Variants in LRRC37A2 observed in about 807,000 individuals in gnomAD.
LRRC37A2 encodes leucine-rich repeat-containing protein 37A2.
Under a neutral mutation model 68.8 loss-of-function variants are expected in LRRC37A2, and 9 were observed. The ratio of observed to expected loss-of-function variants is 0.13; its 90% CI spans 0.08 to 0.23. The LOEUF (loss-of-function observed/expected upper bound fraction) is 0.23, where lower values mean the gene tolerates loss of function less well. Ranked by LOEUF, LRRC37A2 falls within the 10% of genes least tolerant of loss-of-function variation. LRRC37A2 has a pLI of 1.00. For synonymous variants in LRRC37A2, 63 were observed against 367.6 expected, an observed-to-expected ratio of 0.17 and a Z score of 9.48; for missense variants, 168 against 950.4, an observed-to-expected ratio of 0.18 and a Z score of 10.82.
At chr17:46,866,697 C>T in the LRRC37A2 span, among the ~76,000 whole-genome samples, 10 of 152,044 alleles carry the variant, frequency 6.6e-5, no homozygotes, top group South Asian at 2.1e-4. Context: ...ATGGCCCTGG[C>T]GTAATGCACT....
the LRRC37A2 span, among the ~76,000 whole-genome samples, chr17:46,786,055 T>G: frequency 6.8e-6 from 1 of 147,842 alleles, no homozygotes; most frequent in Non-Finnish European, 1.5e-5. Flanking sequence ...TCTTTCTTTC[T>G]TACCCACCCC....
the LRRC37A2 span, chr17:46,931,160 G>A: frequency 1.4e-5 from 23 of 1,611,414 alleles, no homozygotes; most frequent in South Asian, 2.4e-4. Context: ...AACGTCTGGA[G>A]ATTTTGTCCA....
chr17:46,872,800 A>G, the LRRC37A2 span: 124 of 891,816 alleles, frequency 1.4e-4, no homozygotes, highest in South Asian at 2.3e-4. Flanking sequence ...GGGGACGGGG[A>G]GGGCTGGGGG....
At chr17:46,872,854 C>G in the LRRC37A2 span, 94 of 1,467,886 alleles carry the variant, frequency 6.4e-5, no homozygotes, top group East Asian at 2.2e-3. Flanking sequence ...GCTGCCCTTT[C>G]CTTTTTCCTG....
the LRRC37A2 span, among the ~76,000 whole-genome samples, chr17:46,956,166 C>A: frequency 1.3e-5 from 2 of 151,894 alleles, no homozygotes; most frequent in Admixed American, 1.3e-4. Flanking sequence ...AAAGCTAGTT[C>A]TGGATCAGAA....
At chr17:46,913,395 G>T in the LRRC37A2 span, among the ~76,000 whole-genome samples, 1 of 152,264 alleles carries the variant, frequency 6.6e-6, no homozygotes. Context: ...GACGAGTGCT[G>T]AGAGGGAGCA....
chr17:46,903,281 CAA>C, the LRRC37A2 span, among the ~76,000 whole-genome samples: 12,474 of 144,926 alleles, frequency 0.086, 1,359 homozygotes, highest in African/African-American at 0.26. Flanking sequence ...GACTCTGTCT[CAA>C]AAAAAAAAAA....
At chr17:46,769,222 C>T in the LRRC37A2 span, among the ~76,000 whole-genome samples, 4 of 149,832 alleles carry the variant, frequency 2.7e-5, no homozygotes, top group African/African-American at 9.9e-5. Flanking sequence ...AGGTTGAGGC[C>T]GGAGAATTGC....
the LRRC37A2 span, among the ~76,000 whole-genome samples, chr17:46,621,388 G>A: frequency 3.8e-5 from 5 of 129,876 alleles, no homozygotes; most frequent in African/African-American, 1.5e-4. Flanking sequence ...CCGGGCTCAC[G>A]CCTTTCTCCT....
the LRRC37A2 span, among the ~76,000 whole-genome samples, chr17:46,962,365 A>G: frequency 0.96 from 144,887 of 151,660 alleles, 69,555 homozygotes; most frequent in East Asian, 1. Flanking sequence ...GTAGTAGTTG[A>G]TTTTCAAAGA....
At chr17:46,900,240 C>CATAT in the LRRC37A2 span, among the ~76,000 whole-genome samples, 32 of 134,578 alleles carry the variant, frequency 2.4e-4, no homozygotes, top group African/African-American at 9.3e-4. Context: ...TATATACACA[C>CATAT]ATATATATAT....
chr17:46,939,536 C>T, the LRRC37A2 span: 1 of 985,578 alleles, frequency 1.0e-6, no homozygotes. Flanking sequence ...TGCGCCCAGG[C>T]TTTGTGGGCC....
At chr17:46,879,046 AGCTTTAAGGG>A in the LRRC37A2 span, among the ~76,000 whole-genome samples, 2 of 152,214 alleles carry the variant, frequency 1.3e-5, no homozygotes, top group African/African-American at 4.8e-5. Context: ...CTCATTCTAC[AGCTTTAAGGG>A]AAATGCTCAC....
chr17:46,865,984 A>G, the LRRC37A2 span, among the ~76,000 whole-genome samples: 4 of 152,192 alleles, frequency 2.6e-5, no homozygotes, highest in East Asian at 7.7e-4. Flanking sequence ...ATGAGCGAGT[A>G]AGTGAAAAGA....
At chr17:46,715,225 T>C in the LRRC37A2 span, among the ~76,000 whole-genome samples, 6 of 152,210 alleles carry the variant, frequency 3.9e-5, no homozygotes, top group African/African-American at 1.4e-4. Flanking sequence ...GAACTTATAA[T>C]ATCATAGTTT....
chr17:46,694,337 A>T, the LRRC37A2 span: 1 of 577,782 alleles, frequency 1.7e-6, no homozygotes, highest in Non-Finnish European at 2.9e-6. Context: ...CAGTGAGCTG[A>T]GATCGTACCA....
chr17:46,558,383 TTG>T (rs1332363756), downstream of LRRC37A2, among the ~76,000 whole-genome samples: 2 of 106,966 alleles, frequency 1.9e-5, no homozygotes, highest in Non-Finnish European at 3.7e-5. Context: ...GGGGTTTTTT[TTG>T]TGTTTTGTTT....
chr17:46,751,387 A>G, the LRRC37A2 span: 5 of 724,038 alleles, frequency 6.9e-6, no homozygotes, highest in South Asian at 1.8e-5. Context: ...AGAGAATTCT[A>G]TCAACTTGAA....
At chr17:46,978,734 G>GAAGAT in the LRRC37A2 span, 1 of 1,612,472 alleles carries the variant, frequency 6.2e-7, no homozygotes, top group South Asian at 1.1e-5. Context: ...GACTTGATGA[G>GAAGAT]CAGGTTGCAG....
Sources: gnomAD v4.1 joint callset for allele counts (sites outside exome capture counted in the v4.1 genomes callset) on GRCh38, gnomAD v4.1.1 for gene constraint, MANE v1.5 for transcripts, NCBI Gene and HGNC (gene_info 2026-07-23, HGNC 2026-07-21) for gene names.